TUBD1: variants seen among roughly 807,000 people sequenced by gnomAD.
The protein encoded by TUBD1 is tubulin delta 1.
A neutral mutation model predicts 51.2 loss-of-function variants in TUBD1; 38 were observed. The ratio of observed to expected loss-of-function variants is 0.74; its 90% CI spans 0.57 to 0.97. The LOEUF (loss-of-function observed/expected upper bound fraction) is 0.97, where lower values mean the gene tolerates loss of function less well. Among genes scored for constraint, TUBD1 ranks in the 50% least tolerant of loss-of-function variants. TUBD1 has a pLI of 0.00. For missense variants in TUBD1, 489 were observed against 538.4 expected (o/e 0.91, Z 0.91); for synonymous variants, 169 against 178.2 (o/e 0.95, Z 0.41).
intron 5 of TUBD1, 146 bp downstream of exon 5, chr17:59,877,957 C>G (rs2040301412): frequency 3.1e-6 from 2 of 651,366 alleles, no homozygotes; most frequent in South Asian, 4.0e-5. Flanking sequence ...TAAGACAGTT[C>G]AGAGAACTAG....
intron 6 of TUBD1, among the ~76,000 whole-genome samples, chr17:59,874,209 A>AT (rs1207802931): frequency 6.6e-6 from 1 of 151,180 alleles, no homozygotes; most frequent in South Asian, 2.1e-4. Flanking sequence ...AAAAAAAAAA[A>AT]TTGAGATATA....
In TUBD1 at chr17:59,886,085, A is replaced by G; in HGVS notation, c.318T>C (p.Tyr106=). The change falls in exon 3 of 9, where the codon TAT becomes TAC. Residue 106 remains tyrosine (Y), a splice_region_variant and synonymous_variant. Coordinates refer to ENST00000325752, the MANE Select transcript of TUBD1 (RefSeq NM_016261.4). ...QKQGSGNNWA[Y]GYSVHGPRHE... is the part of the protein sequence containing the mutation. ...AAATCACAAGAAATTATTCTTACCCATATGCCCAGTTGTTTCCAGAACCTT... is the reference window on the plus strand; with the variant it reads ...AAATCACAAGAAATTATTCTTACCCGTATGCCCAGTTGTTTCCAGAACCTT... 2 of 1,613,818 alleles carry G rather than the reference A, an allele frequency of 1.2e-6. No homozygotes were observed. The highest frequency in any genetic ancestry group is 1.3e-5 in the African/African-American group (1 of 75,020).
intron 2 of TUBD1, among the ~76,000 whole-genome samples, chr17:59,887,141 G>A (rs923817551): frequency 6.6e-6 from 1 of 151,948 alleles, no homozygotes; most frequent in African/African-American, 2.4e-5. Context: ...AGCCAAGATT[G>A]AGCCATTGCA....
chr17:59,889,433 G>A (rs578015106), intron 2 of TUBD1, among the ~76,000 whole-genome samples: 9 of 151,460 alleles, frequency 5.9e-5, no homozygotes, highest in Admixed American at 2.0e-4. Flanking sequence ...TTGGGAAGCT[G>A]AGGTGGGCAG....
Position 59,885,821 on chromosome 17 carries a change from T to C in TUBD1, c.320+262A>G, listed in dbSNP as rs577482507. The stretch of plus-strand genomic sequence containing the variant: ...ATATCTGCCAGATATGGACATTACA[T>C]TGGTAAGTTAGTTTGCAGCATGACA... On this transcript the variant is annotated intron_variant, in intron 3 of 8. Transcript: ENST00000325752. Among the ~76,000 whole-genome samples, 16 of 152,274 alleles carry C rather than the reference T, an allele frequency of 1.1e-4. No individual in the cohort carries two copies. The South Asian group carries it at 2.7e-3, about 26-fold the overall frequency.
intron 6 of TUBD1, among the ~76,000 whole-genome samples, chr17:59,873,991 C>T (rs891829438): frequency 7.2e-5 from 11 of 151,888 alleles, no homozygotes; most frequent in Admixed American, 1.3e-4. Flanking sequence ...AGATTGAGAC[C>T]ATCCTGGCTA....
At position 59,878,181 on chromosome 17, in the gene TUBD1, G is replaced by T; in HGVS notation, c.691C>A (p.Leu231Ile). 6 of 1,614,104 alleles carry T rather than the reference G, an allele frequency of 3.7e-6. No individual in the cohort carries two copies. In the South Asian group the frequency reaches 6.6e-5, roughly 18 times the overall value. Residue 231 changes from leucine (L) to isoleucine (I), a missense_variant, in exon 5 of 9, where the codon CTC (leucine) becomes ATC (isoleucine). By Grantham distance (5) the Leu-to-Ile change is conservative. Transcript: ENST00000325752. ...AACACACTTCCCAGCTGATGTGCGA[G>T]GACTTGATTGATATCACTAAAGGAG... ...QISFSDINQV[L>I]AHQLGSVFQP...
intron 7 of TUBD1, 140 bp from the exon 8 acceptor site, chr17:59,863,987 C>T (rs2039582202): frequency 1.4e-6 from 1 of 732,046 alleles, no homozygotes; most frequent in African/African-American, 1.8e-5. Flanking sequence ...GGTGCAGAGA[C>T]TTCCAGAAAT....
In TUBD1 at chr17:59,886,080, T is replaced by C; in HGVS notation, c.320+3A>G. The C allele has an allele frequency of 4.3e-6, 7 of 1,613,512 alleles. No individual in the cohort carries two copies. Among genetic ancestry groups the C allele is most frequent in the Non-Finnish European group, 5.9e-6 (7 of 1,179,864 alleles). On this transcript the variant is annotated splice_donor_region_variant and intron_variant, in intron 3 of 8. Transcript: ENST00000325752. The stretch of plus-strand genomic sequence containing the variant: ...ACTGAAAATCACAAGAAATTATTCT[T>C]ACCCATATGCCCAGTTGTTTCCAGA...
Position 59,878,124 on chromosome 17 carries a change from G to T in TUBD1, c.748C>A (p.His250Asn), listed in dbSNP as rs764723436. 1 of 1,614,040 alleles carries T rather than the reference G, an allele frequency of 6.2e-7. No homozygotes were observed. Among genetic ancestry groups the T allele is most frequent in the Non-Finnish European group, 8.5e-7 (1 of 1,179,950 alleles). The stretch of plus-strand genomic sequence containing the variant: ...ATACCTAGTGGATTTCGTCTGTAGT[G>T]AAATGAGCTTTCTGCAGAATAAGTA... Reference protein sequence around the residue: ...QPTYSAESSFHYRRNPLGDLM... With the variant: ...QPTYSAESSFNYRRNPLGDLM... The change falls in exon 5 of 9, where the codon CAC becomes AAC. Residue 250 changes from histidine (H) to asparagine (N), a missense_variant. Physicochemically the swap from His to Asn is moderately conservative, Grantham distance 68. Transcript: ENST00000325752.
intron 6 of TUBD1, among the ~76,000 whole-genome samples, chr17:59,867,790 G>T (rs995178106): frequency 6.6e-6 from 1 of 152,034 alleles, no homozygotes; most frequent in South Asian, 2.1e-4. Context: ...AGTGTACTGT[G>T]CATGTGGGAG....
chr17:59,891,900 G>T (rs919415608), intron 1 of TUBD1: 2 of 151,994 alleles, frequency 1.3e-5, no homozygotes, highest in African/African-American at 4.8e-5. Flanking sequence ...GGGAGGTCCA[G>T]GCTGCAGTGA....
chr17:59,886,291 GGGTA>G (rs1298006161), intron 2 of TUBD1, 61 bp from the exon 3 acceptor site: 1 of 1,503,570 alleles, frequency 6.7e-7, no homozygotes, highest in Non-Finnish European at 8.9e-7. Context: ...TGTCTTATTT[GGGTA>G]ACTCAGAGCA....
intron 6 of TUBD1, among the ~76,000 whole-genome samples, chr17:59,869,429 C>T (rs534945527): frequency 2.0e-5 from 3 of 148,426 alleles, no homozygotes; most frequent in East Asian, 2.0e-4. Context: ...GAGCCAAGAT[C>T]GCGCCACTGC....
chr17:59,891,935 AG>A (rs1218250858), intron 1 of TUBD1: 1 of 151,974 alleles, frequency 6.6e-6, no homozygotes, highest in Non-Finnish European at 1.5e-5. Context: ...ACCGCACTCC[AG>A]CCTGGGTGAC....
At chr17:59,882,839 C>A (rs1224823559) in intron 3 of TUBD1, among the ~76,000 whole-genome samples, 1 of 151,626 alleles carries the variant, frequency 6.6e-6, no homozygotes, top group Non-Finnish European at 1.5e-5. Context: ...GGCTGGAGTG[C>A]TGTGGCATGA....
chr17:59,881,143 CTT>C (rs1465333389), intron 3 of TUBD1, 33 bp from the exon 4 acceptor site: 2 of 1,518,706 alleles, frequency 1.3e-6, no homozygotes, highest in South Asian at 2.3e-5. Flanking sequence ...AACACAAACA[CTT>C]TTCAATTTAA....
In TUBD1 at chr17:59,885,405, G is replaced by A. The variant is rs2040675542; in HGVS notation, c.320+678C>T. The stretch of plus-strand genomic sequence containing the variant: ...TGTGTATGCAGCTGTTCGGCTTCAT[G>A]GCTCTCATGATATTCATGTTCTGGG... On this transcript the variant is annotated intron_variant, in intron 3 of 8. Transcript: ENST00000325752. 3 of 1,089,868 alleles carry A rather than the reference G, an allele frequency of 2.8e-6. No individual in the cohort carries two copies. The South Asian group carries it at 3.8e-5, about 14-fold the overall frequency. The allele number at this position is 1,089,868 out of a possible 1,614,324, so 67.5% of individuals were successfully genotyped here.
At position 59,859,562 on chromosome 17, in the gene TUBD1, CCT is replaced by C. The variant is rs1246611506; in HGVS notation, c.*758_*759del. ...ATAGCTGCTTAGAGTGGAAACTTGCCCTGTTACAGAATATTCAAAATACATGT... is the reference window on the plus strand; with the variant it reads ...ATAGCTGCTTAGAGTGGAAACTTGCCGTTACAGAATATTCAAAATACATGT... On this transcript the variant is annotated 3_prime_UTR_variant, in exon 9 of 9. Transcript: ENST00000325752. 6.6e-6 allele frequency: 1 copy of C among 152,494 alleles called. No individual in the cohort carries two copies. The highest frequency in any genetic ancestry group is 1.5e-5 in the Non-Finnish European group (1 of 68,036). The allele number at this position is 152,494 out of a possible 1,614,324, so 9.4% of individuals were successfully genotyped here.
Sources: gnomAD v4.1 joint callset for allele counts (sites outside exome capture counted in the v4.1 genomes callset) on GRCh38, gnomAD v4.1.1 for gene constraint, MANE v1.5 for transcripts, NCBI Gene and HGNC (gene_info 2026-07-23, HGNC 2026-07-21) for gene names.